Variants in GLRX3 observed in about 807,000 individuals in gnomAD.
The protein encoded by GLRX3 is glutaredoxin 3, also known as glutaredoxin-3.
In GLRX3, 22 loss-of-function variants were observed where a neutral mutation model predicts 49.5. The observed-to-expected ratio is 0.44, with a 90% confidence interval of 0.32 to 0.63. The LOEUF (loss-of-function observed/expected upper bound fraction) is 0.63, where lower values mean the gene tolerates loss of function less well. Among genes scored for constraint, GLRX3 ranks in the 30% least tolerant of loss-of-function variants. GLRX3 has a pLI of 0.05. For missense variants in GLRX3, 385 were observed against 396.3 expected (o/e 0.97, Z 0.24); for synonymous variants, 133 against 140.0 (o/e 0.95, Z 0.35).
At chr10:130,172,069 T>A (rs753333343) in intron 8 of GLRX3, among the ~76,000 whole-genome samples, 4 of 152,240 alleles carry the variant, frequency 2.6e-5, no homozygotes, top group Non-Finnish European at 5.9e-5. Flanking sequence ...TTTTTTGCTG[T>A]ATTGTTTTGT....
intron 4 of GLRX3, among the ~76,000 whole-genome samples, chr10:130,161,397 C>T (rs1297954972): frequency 6.6e-6 from 1 of 152,100 alleles, no homozygotes; most frequent in African/African-American, 2.4e-5. Flanking sequence ...TCTTGGCAGC[C>T]TCCTGTTTTT....
intron 3 of GLRX3, 141 bp downstream of exon 3, chr10:130,160,210 C>T: frequency 1.6e-6 from 1 of 612,098 alleles, no homozygotes; most frequent in Non-Finnish European, 3.0e-6. Context: ...CTGATAGTCT[C>T]ATTTTTGCAC....
chr10:130,169,135 T>C (rs1030673115), intron 6 of GLRX3, among the ~76,000 whole-genome samples: 1 of 152,170 alleles, frequency 6.6e-6, no homozygotes, highest in Non-Finnish European at 1.5e-5. Context: ...AGGCCCCTTA[T>C]TGAACAATTC....
At chr10:130,154,278 C>T (rs1362828940) in intron 2 of GLRX3, among the ~76,000 whole-genome samples, 1 of 152,214 alleles carries the variant, frequency 6.6e-6, no homozygotes, top group Non-Finnish European at 1.5e-5. Flanking sequence ...TCCTCCAACC[C>T]CTTGCGCTTC....
chr10:130,151,877 A>C (rs778008654), intron 2 of GLRX3, among the ~76,000 whole-genome samples: 1 of 152,026 alleles, frequency 6.6e-6, no homozygotes, highest in African/African-American at 2.4e-5. Context: ...TTTTGAGCCT[A>C]TGTTTGTCTT....
intron 2 of GLRX3, among the ~76,000 whole-genome samples, chr10:130,145,544 C>T (rs1281324470): frequency 6.6e-6 from 1 of 151,998 alleles, no homozygotes; most frequent in African/African-American, 2.4e-5. Context: ...TGCCTATAAT[C>T]CCAGCTATGT....
intron 8 of GLRX3, 97 bp downstream of exon 8, chr10:130,171,733 A>G: frequency 1.3e-6 from 1 of 783,394 alleles, no homozygotes; most frequent in Non-Finnish European, 2.3e-6. Flanking sequence ...TGGGAGGCTA[A>G]GACAGGAATA....
intron 2 of GLRX3, among the ~76,000 whole-genome samples, chr10:130,155,780 T>G (rs958238437): frequency 6.6e-6 from 1 of 151,810 alleles, no homozygotes; most frequent in Non-Finnish European, 1.5e-5. Flanking sequence ...GGAGAATGAG[T>G]GTGGATAGGC....
At chr10:130,142,755 A>G (rs1862198719) in intron 1 of GLRX3, among the ~76,000 whole-genome samples, 1 of 151,372 alleles carries the variant, frequency 6.6e-6, no homozygotes, top group Admixed American at 6.6e-5. Flanking sequence ...CCCTCTTGAC[A>G]CTCTTCTCTT....
At chr10:130,143,901 A>G (rs4751165) in intron 1 of GLRX3, among the ~76,000 whole-genome samples, 55,840 of 151,872 alleles carry the variant, frequency 0.37, 10,399 homozygotes, top group Middle Eastern at 0.42. Flanking sequence ...GTTTCACCAC[A>G]TTAGCCAGGC....
chr10:130,139,623 C>G (rs1418902719), intron 1 of GLRX3, among the ~76,000 whole-genome samples: 6 of 141,556 alleles, frequency 4.2e-5, no homozygotes, highest in Non-Finnish European at 6.0e-5. Flanking sequence ...GCCTGGACGA[C>G]AGACGAAGAC....
At chr10:130,138,349 G>T (rs1208104889) in intron 1 of GLRX3, among the ~76,000 whole-genome samples, 1 of 152,144 alleles carries the variant, frequency 6.6e-6, no homozygotes, top group Non-Finnish European at 1.5e-5. Context: ...TTGAGCCCCC[G>T]TGACCTGCCC....
chr10:130,150,939 T>A (rs575063104), intron 2 of GLRX3, among the ~76,000 whole-genome samples: 1 of 151,826 alleles, frequency 6.6e-6, no homozygotes, highest in East Asian at 1.9e-4. Context: ...GTTTTTTTTT[T>A]TTTTTTGAGA....
intron 4 of GLRX3, among the ~76,000 whole-genome samples, chr10:130,165,455 C>T (rs1396023210): frequency 6.6e-6 from 1 of 151,850 alleles, no homozygotes; most frequent in African/African-American, 2.4e-5. Context: ...ATAATAAAAT[C>T]ATGGAACATA....
chr10:130,157,252 CAAGTCCTGCAGTCTAACGGCTGGAG>C (rs1405801750), intron 2 of GLRX3, among the ~76,000 whole-genome samples: 6 of 147,478 alleles, frequency 4.1e-5, no homozygotes, highest in Non-Finnish European at 8.9e-5. Flanking sequence ...GCCGCTGGTG[CAAGTCCTGCAGTCTAACGGCTGGAG>C]AATCTAGAGC....
At position 130,167,059 on chromosome 10, in the gene GLRX3, CTCTT is replaced by C. The variant is rs1183911784; in HGVS notation, c.713+83_713+86del. Reference sequence around the variant, plus strand: ...TTTAAAGTCCTCAGGTTTTGCATTGCTCTTTCTGTGTAGAAATCAAGGATTTGGT... The same window carrying C: ...TTTAAAGTCCTCAGGTTTTGCATTGCTCTGTGTAGAAATCAAGGATTTGGT... On this transcript the variant is annotated intron_variant, in intron 6 of 10. Transcript: ENST00000331244. 31 of 693,774 alleles carry C rather than the reference CTCTT, an allele frequency of 4.5e-5. No homozygotes were observed. The African/African-American group carries it at 5.1e-4, about 11-fold the overall frequency. The allele number at this position is 693,774 out of a possible 1,614,324, so 43.0% of individuals were successfully genotyped here.
At chr10:130,144,253 C>A (rs979678259) in intron 1 of GLRX3, among the ~76,000 whole-genome samples, 10 of 150,654 alleles carry the variant, frequency 6.6e-5, no homozygotes, top group Non-Finnish European at 1.5e-4. Context: ...TCCACTTTGC[C>A]CAGGGGTCTG....
At chr10:130,158,112 GTTC>G (rs1376681718) in intron 2 of GLRX3, among the ~76,000 whole-genome samples, 1 of 152,142 alleles carries the variant, frequency 6.6e-6, no homozygotes, top group Non-Finnish European at 1.5e-5. Flanking sequence ...AGTTGTGGTA[GTTC>G]TCAGCCTTCA....
chr10:130,138,662 A>G (rs1263838588), intron 1 of GLRX3, among the ~76,000 whole-genome samples: 1 of 152,174 alleles, frequency 6.6e-6, no homozygotes, highest in Non-Finnish European at 1.5e-5. Context: ...CATCCAGTAC[A>G]GATCAGCACA....
Sources: gnomAD v4.1 joint callset for allele counts (sites outside exome capture counted in the v4.1 genomes callset) on GRCh38, gnomAD v4.1.1 for gene constraint, MANE v1.5 for transcripts, NCBI Gene and HGNC (gene_info 2026-07-23, HGNC 2026-07-21) for gene names.